UMOD: variants seen among roughly 807,000 people sequenced by gnomAD.
UMOD encodes the protein Tamm-Horsfall urinary glycoprotein.
UMOD carries 64 observed loss-of-function variants against 66.0 expected under a neutral mutation model. The ratio of observed to expected loss-of-function variants is 0.97; its 90% CI spans 0.79 to 1.19. The LOEUF (loss-of-function observed/expected upper bound fraction) is 1.19. UMOD is among the 50% of genes most tolerant of loss of function. The probability of loss-of-function intolerance (pLI) is 0.00; values close to 1 mark genes in which losing one functional copy is unlikely to be tolerated. For synonymous variants in UMOD, 398 were observed against 352.7 expected, an observed-to-expected ratio of 1.13 and a Z score of -1.44; for missense variants, 764 against 850.9, an observed-to-expected ratio of 0.90 and a Z score of 1.27.
chr16:20,335,033 G>A (rs1964797242), intron 10 of UMOD, among the ~76,000 whole-genome samples: 1 of 151,924 alleles, frequency 6.6e-6, no homozygotes, highest in African/African-American at 2.4e-5. Flanking sequence ...TCACCATGTT[G>A]GCCACGATGG....
At chr16:20,350,158 T>C (rs2141680598) in intron 2 of UMOD, among the ~76,000 whole-genome samples, 1 of 152,274 alleles carries the variant, frequency 6.6e-6, no homozygotes, top group African/African-American at 2.4e-5. Flanking sequence ...ATAGTATTCA[T>C]CGTGCCCCAA....
At chr16:20,346,379 G>A (rs186392255) in intron 4 of UMOD, 45 bp from the exon 5 acceptor site, 1 of 1,606,276 alleles carries the variant, frequency 6.2e-7, no homozygotes, top group East Asian at 2.2e-5. Context: ...CTATAGCTTG[G>A]GGGCCCAGCA....
upstream of UMOD, chr16:20,352,752 GC>G (rs1353890372): frequency 3.1e-5 from 38 of 1,231,394 alleles, no homozygotes; most frequent in Middle Eastern, 9.4e-4. Context: ...ATACACATTT[GC>G]CCCAGGCTGG....
Position 20,336,536 on chromosome 16 carries a change from C to T in UMOD, c.1822+110G>A. ...CTTGCCCCAGAGGATCCACTTGCTC[C>T]CAGTTCTTCAGAGCTCAGTAAGGTG... is the stretch of plus-strand genomic sequence containing the variant. On this transcript the variant is annotated intron_variant, in intron 9 of 10. Transcript: ENST00000396138. The T allele has an allele frequency of 2.9e-6, 3 of 1,035,114 alleles. No individual in the cohort carries two copies. In the South Asian group the frequency reaches 3.9e-5, roughly 13 times the overall value. 64.1% of individuals were successfully genotyped at this position (1,035,114 alleles called of 1,614,324 possible).
Position 20,346,266 on chromosome 16 carries a change from G to A in UMOD, c.1042C>T (p.Gln348Ter), listed in dbSNP as rs199631490. The change falls in exon 5 of 11, where the codon CAG becomes TAG. Residue 348 changes from glutamine to a stop codon, truncating the protein, a stop_gained. Coordinates refer to ENST00000396138, the MANE Select transcript of UMOD (RefSeq NM_003361.4). LOFTEE classifies it high-confidence loss of function. Reference sequence around the variant, plus strand: ...TTGTCGAAGCCCAGACTCTTCAGCTGGCACTTGCCCAGCGACACCTTCATG... The same window carrying A: ...TTGTCGAAGCCCAGACTCTTCAGCTAGCACTTGCCCAGCGACACCTTCATG... ...NDMKVSLGKC[Q>*]LKSLGFDKVF... is the part of the protein sequence containing the mutation. 134 of 1,614,254 alleles carry A rather than the reference G, an allele frequency of 8.3e-5. No homozygotes were observed. The highest frequency in any genetic ancestry group is 1.1e-4 in the Non-Finnish European group (130 of 1,180,048).
rs185843039 is a variant in UMOD at position 20,351,130 on chromosome 16, C to T, written c.-102-291G>A. 5.8e-4 allele frequency: 162 copies of T among 279,842 alleles called. 4 individuals carry two copies. The highest frequency in any genetic ancestry group is 2.9e-4 in the Admixed American group (6 of 20,972). The allele number at this position is 279,842 out of a possible 1,614,324, so 17.3% of individuals were successfully genotyped here. ...AGATGGAATAGTGTTCTGGACTCAC[C>T]ACTTTACTGAAGGCAGCTTTGGATT... On this transcript the variant is annotated intron_variant, in intron 1 of 10. Transcript: ENST00000396138.
At position 20,336,698 on chromosome 16, in the gene UMOD, C is replaced by T; in HGVS notation, c.1770G>A (p.Gly590=). ...PTCSGTRFRS[G]SVIDQSRVLN... ...GGACACGGGATTGATCTATGACACT[C>T]CCACTTCGGAATCTGGTCCCAGAGC... is the stretch of plus-strand genomic sequence containing the variant. The change falls in exon 9 of 11, where the codon GGG becomes GGA. Residue 590 remains glycine (G), a synonymous_variant. Transcript: ENST00000396138. The T allele has an allele frequency of 6.2e-7, 1 of 1,614,124 alleles. No homozygotes were observed. Among genetic ancestry groups the T allele is most frequent in the Non-Finnish European group, 8.5e-7 (1 of 1,179,996 alleles).
chr16:20,343,518 C>G (rs1390334376), intron 6 of UMOD, among the ~76,000 whole-genome samples: 1 of 152,220 alleles, frequency 6.6e-6, no homozygotes, highest in Non-Finnish European at 1.5e-5. Flanking sequence ...CACCCTGCCT[C>G]TTTGAAAAGT....
In UMOD at chr16:20,348,568, G is replaced by T; in HGVS notation, c.733C>A (p.Arg245Ser). 6.3e-7 allele frequency: 1 copy of T among 1,596,496 alleles called. No individual in the cohort carries two copies. ...HPSSDEGIVS[R>S]KACAHWSGHC... ...CCGCTCCAGTGCGCGCAGGCCTTGC[G>T]GCTCACGATGCCCTCGTCGCTGGAC... Residue 245 changes from arginine (R) to serine (S), a missense_variant, in exon 3 of 11, where the codon CGC becomes AGC. Coordinates refer to ENST00000396138, the MANE Select transcript of UMOD (RefSeq NM_003361.4).
At chr16:20,345,815 A>G (rs548486627) in intron 5 of UMOD, among the ~76,000 whole-genome samples, 1 of 152,182 alleles carries the variant, frequency 6.6e-6, no homozygotes, top group South Asian at 2.1e-4. Flanking sequence ...GACAATCCCT[A>G]CTATGGCCCT....
upstream of UMOD, among the ~76,000 whole-genome samples, chr16:20,355,707 C>G (rs538229541): frequency 3.0e-4 from 45 of 152,212 alleles, no homozygotes; most frequent in African/African-American, 1.1e-3. Flanking sequence ...GCCTGAAACA[C>G]TTTTCTCTCT....
chr16:20,341,804 C>T (rs1046477457), intron 6 of UMOD, among the ~76,000 whole-genome samples: 20 of 152,228 alleles, frequency 1.3e-4, no homozygotes, highest in African/African-American at 3.9e-4. Flanking sequence ...CTACAACTTG[C>T]GTCCTGGCCT....
chr16:20,343,948 T>C (rs1291961771), intron 6 of UMOD, 76 bp downstream of exon 6: 1 of 1,569,820 alleles, frequency 6.4e-7, no homozygotes, highest in Non-Finnish European at 8.7e-7. Flanking sequence ...TGGGTGGCAG[T>C]TGACAGGGAA....
chr16:20,354,672 A>G (rs565203408), upstream of UMOD, among the ~76,000 whole-genome samples: 139 of 152,224 alleles, frequency 9.1e-4, no homozygotes, highest in African/African-American at 3.2e-3. Context: ...CTTGGGCAGG[A>G]AAATGGGGAG....
At chr16:20,352,326 G>A (rs1006127359) in intron 1 of UMOD, among the ~76,000 whole-genome samples, 12 of 152,010 alleles carry the variant, frequency 7.9e-5, no homozygotes, top group Non-Finnish European at 1.2e-4. Context: ...TTTATGACCC[G>A]CTAATAAGAT....
chr16:20,345,006 A>G (rs1354490703), intron 5 of UMOD, among the ~76,000 whole-genome samples: 2 of 152,056 alleles, frequency 1.3e-5, no homozygotes, highest in Non-Finnish European at 2.9e-5. Context: ...AATGACATGA[A>G]TTATTTCTTT....
chr16:20,341,418 G>A (rs948015099), intron 6 of UMOD, 82 bp from the exon 7 acceptor site: 16 of 1,591,756 alleles, frequency 1.0e-5, no homozygotes, highest in Non-Finnish European at 1.4e-5. Context: ...GCATTCCTAG[G>A]CAGTCCCTTG....
chr16:20,351,664 A>G (rs190233082), intron 1 of UMOD, among the ~76,000 whole-genome samples: 37 of 152,280 alleles, frequency 2.4e-4, no homozygotes, highest in African/African-American at 8.4e-4. Flanking sequence ...TCATGTGCTC[A>G]AAGGCATTGG....
chr16:20,348,877 G>C lies in UMOD; in HGVS notation c.424C>G (p.Arg142Gly). 1.9e-6 allele frequency: 3 copies of C among 1,550,730 alleles called. No individual in the cohort carries two copies. The highest frequency in any genetic ancestry group is 2.6e-6 in the Non-Finnish European group (3 of 1,148,062). Reference sequence around the variant, plus strand: ...CACTCACAGTGCCATCCATCCCCCCGGTAGCCCGCGGGGCATACGCACAAG... The same window carrying C: ...CACTCACAGTGCCATCCATCCCCCCCGTAGCCCGCGGGGCATACGCACAAG... ...SYLCVCPAGYRGDGWHCECSP... is the reference protein window; with the variant it reads ...SYLCVCPAGYGGDGWHCECSP... The change falls in exon 3 of 11, where the codon CGG becomes GGG. Residue 142 changes from arginine (R) to glycine (G), a missense_variant. Coordinates refer to ENST00000396138, the MANE Select transcript of UMOD (RefSeq NM_003361.4).
Sources: allele counts gnomAD v4.1 joint callset (sites outside exome capture counted in the v4.1 genomes callset), GRCh38; gene constraint gnomAD v4.1.1; transcripts MANE v1.5; gene names NCBI Gene and HGNC (gene_info 2026-07-23, HGNC 2026-07-21).